SCAMP1: variants seen among roughly 807,000 people sequenced by gnomAD.
The protein encoded by SCAMP1 is secretory carrier-associated membrane protein 1.
Under a neutral mutation model 41.8 loss-of-function variants are expected in SCAMP1, and 15 were observed. That is an observed-to-expected ratio of 0.36 (90% CI 0.24 to 0.55). SCAMP1 has a LOEUF of 0.55. Among genes scored for constraint, SCAMP1 ranks in the 20% least tolerant of loss-of-function variants. SCAMP1 has a pLI of 0.86. For synonymous variants in SCAMP1, 135 were observed against 136.8 expected, an observed-to-expected ratio of 0.99 and a Z score of 0.09; for missense variants, 341 against 412.6, an observed-to-expected ratio of 0.83 and a Z score of 1.50.
chr5:78,365,538 A>T (rs1320000158), intron 1 of SCAMP1, among the ~76,000 whole-genome samples: 1 of 149,500 alleles, frequency 6.7e-6, no homozygotes, highest in African/African-American at 2.4e-5. Flanking sequence ...CTATGAATTT[A>T]GTGAAATTTA....
At chr5:78,468,859 A>G (rs971258190) in intron 8 of SCAMP1, among the ~76,000 whole-genome samples, 1 of 152,138 alleles carries the variant, frequency 6.6e-6, no homozygotes, top group African/African-American at 2.4e-5. Flanking sequence ...ATCCTATTAT[A>G]TATAAAGTGA....
intron 4 of SCAMP1, among the ~76,000 whole-genome samples, chr5:78,417,706 G>T (rs997528962): frequency 2.0e-5 from 3 of 152,160 alleles, no homozygotes; most frequent in Admixed American, 6.5e-5. Flanking sequence ...TGCCCAAGGC[G>T]ACCTTGCCAG....
rs755597561 is a variant in SCAMP1, at chr5:78,416,710, C to G, written c.343+61C>G. ...TTAAATACTTTACATTATGTCTATA[C>G]TAGCTCCTAGGTCATTTGGCCTGTG... On this transcript the variant is annotated intron_variant, in intron 4 of 8. Transcript: ENST00000621999. 11 of 1,246,000 alleles carry G rather than the reference C, an allele frequency of 8.8e-6. No individual in the cohort carries two copies. In the Admixed American group the frequency reaches 1.3e-4, roughly 15 times the overall value. The allele number at this position is 1,246,000 out of a possible 1,614,324, so 77.2% of individuals were successfully genotyped here.
chr5:78,457,561 T>C (rs1052171763), intron 7 of SCAMP1, among the ~76,000 whole-genome samples: 1 of 152,192 alleles, frequency 6.6e-6, no homozygotes, highest in African/African-American at 2.4e-5. Context: ...TCCAGCTGCG[T>C]GCTGGGAGAA....
chr5:78,415,561 A>G lies in SCAMP1; in HGVS notation c.177A>G (p.Thr59=), dbSNP rs1014786597. 8 of 1,608,436 alleles carry G rather than the reference A, an allele frequency of 5.0e-6. No homozygotes were observed. Among genetic ancestry groups the G allele is most frequent in the East Asian group, 4.5e-5 (2 of 44,800 alleles). The change falls in exon 3 of 9, where the codon ACA becomes ACG. Residue 59 remains threonine (T), a synonymous_variant. Coordinates refer to ENST00000621999, the MANE Select transcript of SCAMP1 (RefSeq NM_004866.6). ...TGAAGATGCCTAATGTACCCAATAC[A>G]CAACCAGCAATAATGAAACCAACAG... The part of the protein sequence containing the change: ...GGVKMPNVPN[T]QPAIMKPTEE...
chr5:78,369,107 A>AG (rs1312103768), intron 1 of SCAMP1, among the ~76,000 whole-genome samples: 4 of 150,402 alleles, frequency 2.7e-5, no homozygotes, highest in African/African-American at 9.8e-5. Context: ...CAGGACACAC[A>AG]ATTTTTTTTT....
intron 7 of SCAMP1, among the ~76,000 whole-genome samples, chr5:78,452,523 A>T (rs1313915256): frequency 7.6e-6 from 1 of 132,208 alleles, no homozygotes; most frequent in Admixed American, 7.7e-5. Context: ...TGAACTCATC[A>T]TTTTTTATGG....
chr5:78,387,263 C>T lies in SCAMP1; in HGVS notation c.58-1574C>T, dbSNP rs1318093479. ...ATTTTATTGCTGAGACTTTCCAGTA[C>T]ATTTTTCATTTCTCTAAGTGTGTCC... On this transcript the variant is annotated intron_variant, in intron 1 of 8. Coordinates refer to ENST00000621999, the MANE Select transcript of SCAMP1 (RefSeq NM_004866.6). Among the ~76,000 whole-genome samples, 5 of 150,376 alleles carry T rather than the reference C, an allele frequency of 3.3e-5. No homozygotes were observed. In the East Asian group the frequency reaches 9.6e-4, roughly 29 times the overall value.
rs551554461 is a variant in SCAMP1, at chr5:78,469,395, T to C, written c.853-6109T>C. On this transcript the variant is annotated intron_variant, in intron 8 of 8. Coordinates refer to ENST00000621999, the MANE Select transcript of SCAMP1 (RefSeq NM_004866.6). ...AAGGGACACAGATAGAGTAATACTTTTGAATTCCTAGAAAAAAATGGCACT... is the reference window on the plus strand; with the variant it reads ...AAGGGACACAGATAGAGTAATACTTCTGAATTCCTAGAAAAAAATGGCACT... Among the ~76,000 whole-genome samples the C allele has an allele frequency of 7.9e-5, 12 of 152,178 alleles. No homozygotes were observed. In the South Asian group the frequency reaches 2.5e-3, roughly 32 times the overall value.
intron 6 of SCAMP1, among the ~76,000 whole-genome samples, chr5:78,442,539 G>A (rs1427509591): frequency 6.6e-6 from 1 of 152,174 alleles, no homozygotes; most frequent in African/African-American, 2.4e-5. Context: ...GATTACAGGT[G>A]TGAGCCACCG....
At position 78,476,261 on chromosome 5, in the gene SCAMP1, A is replaced by C. The variant is rs1386763110; in HGVS notation, c.*593A>C. 1 of 151,974 alleles carries C rather than the reference A, an allele frequency of 6.6e-6. No homozygotes were observed. The highest frequency in any genetic ancestry group is 2.4e-5 in the African/African-American group (1 of 41,308). The allele number at this position is 151,974 out of a possible 1,614,324, so 9.4% of individuals were successfully genotyped here. On this transcript the variant is annotated 3_prime_UTR_variant, in exon 9 of 9. Transcript: ENST00000621999. ...ATTTTGATAACAATCTCTAATTTGC[A>C]TGGGCACCACATTTCTTATATTAAA...
At chr5:78,418,992 C>A in intron 5 of SCAMP1, 89 bp downstream of exon 5, 2 of 1,092,898 alleles carry the variant, frequency 1.8e-6, no homozygotes, top group Non-Finnish European at 2.6e-6. Flanking sequence ...GTATAGCAAA[C>A]CAGTCTTCTT....
At chr5:78,449,879 T>G in intron 6 of SCAMP1, 54 bp from the exon 7 acceptor site, 1 of 947,590 alleles carries the variant, frequency 1.1e-6, no homozygotes, top group Non-Finnish European at 1.6e-6. Flanking sequence ...GTTTTTCCCC[T>G]TCTTTCTCTC....
intron 6 of SCAMP1, among the ~76,000 whole-genome samples, chr5:78,434,316 T>A (rs376789650): frequency 5.9e-5 from 9 of 152,152 alleles, no homozygotes; most frequent in Non-Finnish European, 7.4e-5. Context: ...TTATCTCTCT[T>A]TGAGTTATTT....
At chr5:78,361,307 C>T (rs550436040) in intron 1 of SCAMP1, among the ~76,000 whole-genome samples, 8 of 152,124 alleles carry the variant, frequency 5.3e-5, no homozygotes, top group Non-Finnish European at 1.2e-4. Flanking sequence ...GCTGCCATCC[C>T]CCCTCTTTCT....
intron 8 of SCAMP1, among the ~76,000 whole-genome samples, chr5:78,460,389 C>T (rs576726269): frequency 2.6e-5 from 4 of 152,242 alleles, no homozygotes; most frequent in African/African-American, 9.6e-5. Context: ...ATAAGCATTC[C>T]ATTTTCTCTG....
chr5:78,446,559 A>G (rs1467200428), intron 6 of SCAMP1, among the ~76,000 whole-genome samples: 1 of 152,216 alleles, frequency 6.6e-6, no homozygotes, highest in Admixed American at 6.5e-5. Flanking sequence ...ACAGGGAAAT[A>G]GAAATATACT....
chr5:78,415,352 G>T (rs548464860), intron 2 of SCAMP1, among the ~76,000 whole-genome samples, 168 bp from the exon 3 acceptor site: 2 of 152,302 alleles, frequency 1.3e-5, no homozygotes, highest in South Asian at 4.1e-4. Flanking sequence ...TGGAGAAAAT[G>T]GAGATGGAGA....
intron 7 of SCAMP1, among the ~76,000 whole-genome samples, chr5:78,456,287 C>G (rs889218306): frequency 6.6e-6 from 1 of 150,424 alleles, no homozygotes; most frequent in Non-Finnish European, 1.5e-5. Flanking sequence ...TCTCGATGGT[C>G]TTTACATTTT....
Sources: gnomAD v4.1 joint callset for allele counts (sites outside exome capture counted in the v4.1 genomes callset) on GRCh38, gnomAD v4.1.1 for gene constraint, MANE v1.5 for transcripts, NCBI Gene and HGNC (gene_info 2026-07-23, HGNC 2026-07-21) for gene names.